Variants in DCAF6 observed in about 807,000 individuals in gnomAD.
The protein encoded by DCAF6 is DDB1- and CUL4-associated factor 6.
Under a neutral mutation model 125.1 loss-of-function variants are expected in DCAF6, and 54 were observed. The observed-to-expected ratio is 0.43, with a 90% CI of 0.35 to 0.54. DCAF6 has a LOEUF of 0.54. DCAF6 is among the 20% of genes least tolerant of loss of function. The pLI, the probability that DCAF6 is intolerant of heterozygous loss-of-function variation, is 0.01. For missense variants in DCAF6, 934 were observed against 1,161.7 expected, an observed-to-expected ratio of 0.80 and a Z score of 2.85; for synonymous variants, 371 against 390.4, an observed-to-expected ratio of 0.95 and a Z score of 0.58.
chr1:167,893,315 G>T, the DCAF6 span, among the ~76,000 whole-genome samples: 2 of 152,150 alleles, frequency 1.3e-5, no homozygotes, highest in Admixed American at 6.5e-5. Flanking sequence ...ATAAGGCAAC[G>T]CAGTCCTATT....
At chr1:168,002,452 A>T (rs778335500) in intron 7 of DCAF6, 30 bp from the exon 8 acceptor site, 1 of 1,591,268 alleles carries the variant, frequency 6.3e-7, no homozygotes, top group South Asian at 1.1e-5. Flanking sequence ...TTTTAGACTT[A>T]CATAGAATTT....
chr1:168,037,102 C>G (rs112837846), intron 12 of DCAF6, among the ~76,000 whole-genome samples: 15 of 148,456 alleles, frequency 1.0e-4, no homozygotes, highest in African/African-American at 3.1e-4. Context: ...ATTCTCCCCC[C>G]CCTTTTTTTT....
At chr1:167,913,113 G>A in the DCAF6 span, among the ~76,000 whole-genome samples, 38 of 152,146 alleles carry the variant, frequency 2.5e-4, no homozygotes, top group Non-Finnish European at 4.4e-4. Flanking sequence ...ATCACATCAA[G>A]AATACAGCAT....
chr1:167,946,739 T>A (rs1369596300), intron 1 of DCAF6, among the ~76,000 whole-genome samples: 2 of 152,202 alleles, frequency 1.3e-5, no homozygotes, highest in African/African-American at 4.8e-5. Context: ...CATGGTGTAT[T>A]ATCTTTTTGA....
At chr1:168,015,725 T>G (rs1300909444) in intron 10 of DCAF6, 56 bp from the exon 11 acceptor site, 2 of 1,345,136 alleles carry the variant, frequency 1.5e-6, no homozygotes, top group Non-Finnish European at 1.9e-6. Flanking sequence ...AATCAAATTC[T>G]TATTATTTTC....
intron 13 of DCAF6, among the ~76,000 whole-genome samples, chr1:168,041,149 A>G (rs1297570710): frequency 6.6e-6 from 1 of 152,076 alleles, no homozygotes; most frequent in Non-Finnish European, 1.5e-5. Context: ...ATGCAGAGAA[A>G]GTACGTAGCA....
chr1:167,977,711 G>A (rs936867360), intron 4 of DCAF6, among the ~76,000 whole-genome samples: 1 of 151,724 alleles, frequency 6.6e-6, no homozygotes, highest in Non-Finnish European at 1.5e-5. Flanking sequence ...TTGTAGTCTG[G>A]GGAAATTCTG....
At chr1:167,870,281 T>C in the DCAF6 span, 1 of 1,614,030 alleles carries the variant, frequency 6.2e-7, no homozygotes, top group Non-Finnish European at 8.5e-7. Flanking sequence ...TTGGGCCAGG[T>C]ACTCAATTTT....
intron 2 of DCAF6, among the ~76,000 whole-genome samples, chr1:167,961,435 G>A (rs1332181260): frequency 1.3e-5 from 2 of 152,046 alleles, no homozygotes; most frequent in African/African-American, 4.8e-5. Context: ...GTAGAGATGG[G>A]GTTTCATCGT....
the DCAF6 span, chr1:167,905,249 T>C: frequency 6.2e-6 from 8 of 1,294,874 alleles, no homozygotes; most frequent in Non-Finnish European, 8.9e-6. Context: ...TTTGCTCATT[T>C]TCCTATTGCT....
chr1:167,943,225 T>A (rs184831387), intron 1 of DCAF6, among the ~76,000 whole-genome samples: 299 of 152,268 alleles, frequency 2.0e-3, no homozygotes, highest in African/African-American at 5.7e-3. Flanking sequence ...TGGTCTTTTT[T>A]AAAAAAATTT....
At chr1:167,941,229 C>T (rs776965744) in intron 1 of DCAF6, among the ~76,000 whole-genome samples, 12 of 152,086 alleles carry the variant, frequency 7.9e-5, no homozygotes, top group Admixed American at 3.9e-4. Context: ...TGAAAAATGA[C>T]GGTCAATTGT....
At chr1:167,982,264 A>G (rs1190528084) in intron 4 of DCAF6, among the ~76,000 whole-genome samples, 1 of 151,558 alleles carries the variant, frequency 6.6e-6, no homozygotes, top group Non-Finnish European at 1.5e-5. Flanking sequence ...TTTTTTTGAG[A>G]CGGAGTCTCG....
the DCAF6 span, among the ~76,000 whole-genome samples, chr1:167,925,480 T>TATACAC: frequency 7.4e-6 from 1 of 134,898 alleles, no homozygotes; most frequent in African/African-American, 2.8e-5. Flanking sequence ...TATATACATA[T>TATACAC]ACATATACAC....
the DCAF6 span, chr1:167,901,934 AT>A: frequency 6.2e-7 from 1 of 1,605,744 alleles, no homozygotes; most frequent in African/African-American, 1.3e-5. Context: ...CTTCTCTAGG[AT>A]GCCTCCTTTG....
the DCAF6 span, among the ~76,000 whole-genome samples, chr1:167,877,861 C>G: frequency 6.6e-6 from 1 of 152,088 alleles, no homozygotes; most frequent in African/African-American, 2.4e-5. Context: ...GGACAATCTA[C>G]TTAAACAACC....
At chr1:167,943,462 G>T (rs192009638) in intron 1 of DCAF6, among the ~76,000 whole-genome samples, 2 of 152,068 alleles carry the variant, frequency 1.3e-5, no homozygotes, top group East Asian at 3.9e-4. Context: ...TTGGTGTTAG[G>T]TTTATCCTTA....
chr1:167,898,024 A>T, the DCAF6 span, among the ~76,000 whole-genome samples: 3,436 of 120,456 alleles, frequency 0.029, 263 homozygotes, highest in Non-Finnish European at 0.036. Context: ...AAAAAAAAAA[A>T]ATCAACAAAA....
In DCAF6 at chr1:168,075,645, C is replaced by CT. The variant is rs1693714901; in HGVS notation, c.*215dup. ...CAAAACTAGCAGAATGTTTTTAAAA[C>CT]TTTTTGCCGTGTATGAGGAGTGCTA... On this transcript the variant is annotated 3_prime_UTR_variant, in exon 22 of 22. Coordinates refer to ENST00000367840, the MANE Select transcript of DCAF6 (RefSeq NM_001198956.2). The CT allele has an allele frequency of 6.3e-6, 3 of 476,710 alleles. 1 individual carries two copies. The highest frequency in any genetic ancestry group is 8.6e-5 in the South Asian group (2 of 23,150). The allele number at this position is 476,710 out of a possible 1,614,324, so 29.5% of individuals were successfully genotyped here. A position where few individuals can be genotyped will look rare whatever the true frequency, so the allele number is the denominator to read the frequency against.
Sources: allele counts gnomAD v4.1 joint callset (sites outside exome capture counted in the v4.1 genomes callset), GRCh38; gene constraint gnomAD v4.1.1; transcripts MANE v1.5; gene names NCBI Gene and HGNC (gene_info 2026-07-23, HGNC 2026-07-21).